SCAPER: variants seen among roughly 807,000 people sequenced by gnomAD.
SCAPER encodes S phase cyclin A-associated protein in the endoplasmic reticulum.
SCAPER carries 98 observed loss-of-function variants against 182.2 expected under a neutral mutation model. The observed-to-expected ratio is 0.54, with a 90% CI of 0.46 to 0.64. SCAPER has a LOEUF of 0.64. Among genes scored for constraint, SCAPER ranks in the 30% least tolerant of loss-of-function variants. The pLI is 0.00. For missense variants in SCAPER, 1,432 were observed against 1,690.0 expected (o/e 0.85, Z 2.68); for synonymous variants, 605 against 564.6 (o/e 1.07, Z -1.01).
In SCAPER at chr15:76,841,919, C is replaced by T; in HGVS notation, c.208G>A (p.Asp70Asn). The stretch of plus-strand genomic sequence containing the variant: ...GTCGTAGACGATGTTATTTTACAGT[C>T]CACTGCAGTACTCTGGTGAAGTAAA... ...HKTTKQSTAV[D>N]CKITSSTTGD... is the part of the protein sequence containing the mutation. Residue 70 changes from aspartate to asparagine, a missense_variant, in exon 5 of 32, where the codon GAC becomes AAC. Physicochemically the swap from Asp to Asn is conservative, Grantham distance 23. Transcript: ENST00000563290. 6.2e-7 allele frequency: 1 copy of T among 1,613,600 alleles called. No individual in the cohort carries two copies. The highest frequency in any genetic ancestry group is 8.5e-7 in the Non-Finnish European group (1 of 1,179,732).
rs1451053543 is a variant in SCAPER, at chr15:76,602,566, G to A, written c.2711+19198C>T. Among the ~76,000 whole-genome samples, 2 of 120,338 alleles carry A rather than the reference G, an allele frequency of 1.7e-5. 1 individual carries two copies. Among genetic ancestry groups the A allele is most frequent in the Non-Finnish European group, 4.0e-5 (2 of 49,666 alleles). The allele number at this position is 120,338 out of a possible 152,430, so 78.9% of individuals were successfully genotyped here. A position where few individuals can be genotyped will look rare whatever the true frequency, so the allele number is the denominator to read the frequency against. ...TTGGGGGAAGCATTTATCTTGCTTG[G>A]TATTCTCCTATTCTCTAAACTTCCT... On this transcript the variant is annotated intron_variant, in intron 22 of 31. Coordinates refer to ENST00000563290, the MANE Select transcript of SCAPER (RefSeq NM_020843.4).
At chr15:76,435,310 C>T (rs922949642) in intron 25 of SCAPER, among the ~76,000 whole-genome samples, 2 of 152,178 alleles carry the variant, frequency 1.3e-5, no homozygotes, top group East Asian at 3.8e-4. Flanking sequence ...CACAGCTAAT[C>T]TACTTAATAT....
In SCAPER at chr15:76,471,326, G is replaced by A. The variant is rs906996185; in HGVS notation, c.2964C>T (p.Cys988=). ...TVLRIPPKSL[C]NAINVYNLTC... The stretch of plus-strand genomic sequence containing the variant: ...TGAGGTTGTAAACATTGATTGCATT[G>A]CAGAGAGACCTAAAAGAAGGAGAAA... Residue 988 remains cysteine, a synonymous_variant, in exon 25 of 32, where the codon TGC becomes TGT. Coordinates refer to ENST00000563290, the MANE Select transcript of SCAPER (RefSeq NM_020843.4). 4 of 1,605,612 alleles carry A rather than the reference G, an allele frequency of 2.5e-6. No homozygotes were observed. The highest frequency in any genetic ancestry group is 1.7e-5 in the Admixed American group (1 of 58,340).
intron 26 of SCAPER, among the ~76,000 whole-genome samples, chr15:76,415,756 T>C (rs2045602874): frequency 1.3e-5 from 2 of 152,212 alleles, no homozygotes; most frequent in Admixed American, 6.5e-5. Flanking sequence ...TTAACAGTGA[T>C]ATACCACTTG....
intron 5 of SCAPER, among the ~76,000 whole-genome samples, chr15:76,825,436 C>T (rs972214978): frequency 1.3e-5 from 2 of 152,190 alleles, no homozygotes; most frequent in African/African-American, 4.8e-5. Context: ...TAACTAATGT[C>T]AATGGATATT....
At chr15:76,661,504 A>G (rs2056163781) in intron 21 of SCAPER, among the ~76,000 whole-genome samples, 1 of 152,178 alleles carries the variant, frequency 6.6e-6, no homozygotes, top group Non-Finnish European at 1.5e-5. Context: ...CAACCTCATC[A>G]AAAAGTGGGC....
At chr15:76,475,792 G>T (rs2050581112) in intron 24 of SCAPER, among the ~76,000 whole-genome samples, 2 of 152,138 alleles carry the variant, frequency 1.3e-5, no homozygotes, top group Admixed American at 6.5e-5. Flanking sequence ...AGAGGCCTGG[G>T]GGTGTGTTCC....
intron 18 of SCAPER, among the ~76,000 whole-genome samples, chr15:76,704,882 A>G (rs1272750396): frequency 6.6e-6 from 1 of 152,160 alleles, no homozygotes; most frequent in African/African-American, 2.4e-5. Flanking sequence ...CGATCATTAA[A>G]AAGTCAGGAA....
chr15:76,848,072 ATC>A (rs1265060017), intron 4 of SCAPER, among the ~76,000 whole-genome samples: 1 of 152,004 alleles, frequency 6.6e-6, no homozygotes, highest in Non-Finnish European at 1.5e-5. Flanking sequence ...CAATGGCGTG[ATC>A]TCAGCTCACT....
rs2051899165 is a variant in SCAPER, at chr15:76,488,561, A to G, written c.2954+16298T>C. Among the ~76,000 whole-genome samples the G allele has an allele frequency of 2.6e-5, 4 of 151,926 alleles. No homozygotes were observed. The South Asian group carries it at 8.3e-4, about 32-fold the overall frequency. On this transcript the variant is annotated intron_variant, in intron 24 of 31. Coordinates refer to ENST00000563290, the MANE Select transcript of SCAPER (RefSeq NM_020843.4). ...TTTAGTTTTAGAACTATAAATAACT[A>G]CATATTTTATGCTCACTACAAGTAC...
chr15:76,815,604 C>A (rs983416824), intron 5 of SCAPER, among the ~76,000 whole-genome samples: 6 of 152,158 alleles, frequency 3.9e-5, no homozygotes, highest in Admixed American at 3.9e-4. Context: ...GGAACCTGAC[C>A]CGCACAACAG....
intron 20 of SCAPER, among the ~76,000 whole-genome samples, chr15:76,674,342 C>T (rs1257648668): frequency 6.6e-6 from 1 of 152,156 alleles, no homozygotes; most frequent in East Asian, 1.9e-4. Context: ...GAGTCTAAGA[C>T]TCTAGGTTCA....
intron 26 of SCAPER, among the ~76,000 whole-genome samples, chr15:76,421,248 G>A (rs1008908343): frequency 6.6e-5 from 10 of 152,190 alleles, no homozygotes; most frequent in Non-Finnish European, 1.5e-4. Context: ...CAGTGTAAAA[G>A]TGTTCCTATT....
chr15:76,540,954 C>A (rs1431556589), intron 23 of SCAPER, among the ~76,000 whole-genome samples: 1 of 151,760 alleles, frequency 6.6e-6, no homozygotes, highest in East Asian at 1.9e-4. Context: ...AACCCCATCT[C>A]TAATAAAAAT....
intron 25 of SCAPER, among the ~76,000 whole-genome samples, chr15:76,461,109 T>C (rs1381283064): frequency 6.6e-6 from 1 of 152,142 alleles, no homozygotes; most frequent in Non-Finnish European, 1.5e-5. Context: ...TTTTGTAAAA[T>C]GCCCCTTAAT....
intron 5 of SCAPER, among the ~76,000 whole-genome samples, chr15:76,817,830 T>A (rs1443564361): frequency 6.6e-6 from 1 of 151,990 alleles, no homozygotes; most frequent in Non-Finnish European, 1.5e-5. Flanking sequence ...ATTAGAAAAC[T>A]AAGTAAATGG....
intron 25 of SCAPER, among the ~76,000 whole-genome samples, chr15:76,441,546 A>G (rs1006320214): frequency 1.3e-5 from 2 of 152,024 alleles, no homozygotes; most frequent in African/African-American, 4.8e-5. Context: ...CTCTACATCC[A>G]TTCCTCCCCA....
chr15:76,532,260 T>A (rs1444482240), intron 23 of SCAPER, among the ~76,000 whole-genome samples: 1 of 152,298 alleles, frequency 6.6e-6, no homozygotes, highest in African/African-American at 2.4e-5. Context: ...TAGAGATGAC[T>A]ATGCTGATGG....
rs113085825 is a variant in SCAPER at position 76,623,670 on chromosome 15, T to G, written c.2646-1841A>C. Among the ~76,000 whole-genome samples the G allele has an allele frequency of 7.9e-3, 1,209 of 152,320 alleles. 11 individuals carry two copies. Among genetic ancestry groups the G allele is most frequent in the African/African-American group, 0.028 (1,148 of 41,556 alleles). On this transcript the variant is annotated intron_variant, in intron 21 of 31. Coordinates refer to ENST00000563290, the MANE Select transcript of SCAPER (RefSeq NM_020843.4). Reference sequence around the variant, plus strand: ...TGTAGACTTATAGTATAGTTTGAAATTGGGTAATGTGATGCCTCCCATTTT... The same window carrying G: ...TGTAGACTTATAGTATAGTTTGAAAGTGGGTAATGTGATGCCTCCCATTTT...
Sources: allele counts gnomAD v4.1 joint callset (sites outside exome capture counted in the v4.1 genomes callset), GRCh38; gene constraint gnomAD v4.1.1; transcripts MANE v1.5; gene names NCBI Gene and HGNC (gene_info 2026-07-23, HGNC 2026-07-21).